UIMC1: variants seen among roughly 807,000 people sequenced by gnomAD.
UIMC1 encodes BRCA1-A complex subunit RAP80.
Under a neutral mutation model 84.9 loss-of-function variants are expected in UIMC1, and 42 were observed. That is an observed-to-expected ratio of 0.49 (90% confidence interval 0.39 to 0.64). The LOEUF is 0.64. Ranked by LOEUF, UIMC1 falls within the 30% of genes least tolerant of loss-of-function variation. The probability of loss-of-function intolerance (pLI) is 0.00; values close to 1 mark genes in which losing one functional copy is unlikely to be tolerated. For synonymous variants in UIMC1, 281 were observed against 293.0 expected, an observed-to-expected ratio of 0.96 and a Z score of 0.42; for missense variants, 825 against 847.6, an observed-to-expected ratio of 0.97 and a Z score of 0.33.
intron 11 of UIMC1, among the ~76,000 whole-genome samples, chr5:176,910,732 T>C (rs1178934576): frequency 1.3e-5 from 2 of 152,108 alleles, no homozygotes; most frequent in Non-Finnish European, 2.9e-5. Context: ...GGTGGCAGGA[T>C]TGCTTTTAGT....
In UIMC1 at chr5:177,015,649, C is replaced by CA. The variant is rs752377517; in HGVS notation, c.-9+6814dup. On this transcript the variant is annotated intron_variant, in intron 1 of 5. Transcript: ENST00000509236. Reference sequence around the variant, plus strand: ...TGGAAAGCATTACTTGACTCTAACCCAAAATCCTCTGTAAATCCCAGTCTG... The same window carrying CA: ...TGGAAAGCATTACTTGACTCTAACCCAAAAATCCTCTGTAAATCCCAGTCTG... 2.7e-4 allele frequency among the ~76,000 whole-genome samples: 41 copies of CA among 152,262 alleles called. No homozygotes were observed. The Middle Eastern group carries it at 0.024, about 88-fold the overall frequency.
At chr5:176,980,445 T>G (rs1470056613) in intron 2 of UIMC1, among the ~76,000 whole-genome samples, 1 of 152,206 alleles carries the variant, frequency 6.6e-6, no homozygotes, top group Non-Finnish European at 1.5e-5. Context: ...CATGGTTCTT[T>G]TCCTGTAAAA....
chr5:176,923,710 GA>G (rs1451288751), intron 10 of UIMC1, among the ~76,000 whole-genome samples: 1 of 150,756 alleles, frequency 6.6e-6, no homozygotes, highest in Non-Finnish European at 1.5e-5. Flanking sequence ...CTAAAAATAT[GA>G]AAATTAGCCG....
In UIMC1 at chr5:176,905,788, G is replaced by C. The variant is rs577102693; in HGVS notation, c.1949+223C>G. On this transcript the variant is annotated intron_variant, in intron 14 of 14. Coordinates refer to ENST00000511320, the MANE Select transcript of UIMC1 (RefSeq NM_001199298.2). ...GGGATAGAGAGGTACAGAAGAATAA[G>C]ACATAACTTTCACTCTGTTTGTTTT... The C allele has an allele frequency of 1.4e-4, 90 of 630,466 alleles. No individual in the cohort carries two copies. In the African/African-American group the frequency reaches 1.5e-3, roughly 10 times the overall value. 39.1% of individuals were successfully genotyped at this position (630,466 alleles called of 1,614,324 possible).
At chr5:176,969,546 C>A (rs1042722959) in intron 5 of UIMC1, 55 bp downstream of exon 5, 5 of 1,550,280 alleles carry the variant, frequency 3.2e-6, no homozygotes, top group Non-Finnish European at 2.7e-6. Flanking sequence ...AGCATGAGAT[C>A]CCTGTGGTAC....
intron 1 of UIMC1, among the ~76,000 whole-genome samples, chr5:177,020,296 T>C (rs1204489649): frequency 6.6e-6 from 1 of 152,216 alleles, no homozygotes. Flanking sequence ...TGGCTACGCC[T>C]TCTCATTAAT....
intron 9 of UIMC1, among the ~76,000 whole-genome samples, chr5:176,949,957 G>A (rs1765638932): frequency 6.6e-6 from 1 of 151,794 alleles, no homozygotes; most frequent in African/African-American, 2.4e-5. Context: ...GGGAGGCTGA[G>A]GCATGAGAAT....
chr5:176,983,386 C>T (rs990225954), intron 1 of UIMC1, among the ~76,000 whole-genome samples: 12 of 152,022 alleles, frequency 7.9e-5, no homozygotes, highest in African/African-American at 1.4e-4. Context: ...AGGCACGCAC[C>T]GCCACTCCTG....
chr5:176,927,769 AAAAAC>A (rs1236047224), intron 10 of UIMC1, among the ~76,000 whole-genome samples: 13 of 152,098 alleles, frequency 8.5e-5, no homozygotes, highest in Admixed American at 2.6e-4. Context: ...TGTTTCAAAA[AAAAAC>A]AAAACAAAAC....
intron 6 of UIMC1, 59 bp from the exon 7 acceptor site, chr5:176,958,213 C>A: frequency 6.9e-7 from 1 of 1,445,782 alleles, no homozygotes; most frequent in South Asian, 1.3e-5. Flanking sequence ...GCTTCTCTTC[C>A]TTTTTTAAAA....
chr5:176,911,410 T>A, intron 10 of UIMC1, 21 bp from the exon 11 acceptor site: 1 of 1,489,398 alleles, frequency 6.7e-7, no homozygotes, highest in Non-Finnish European at 9.0e-7. Context: ...AAAAAATATA[T>A]ATATATACAC....
chr5:176,998,747 A>G (rs550565400), intron 1 of UIMC1, among the ~76,000 whole-genome samples: 247 of 152,278 alleles, frequency 1.6e-3, no homozygotes, highest in African/African-American at 5.7e-3. Flanking sequence ...GGCCTGGGCA[A>G]TAAGAGCAAA....
At chr5:177,011,590 GTAA>G (rs139175347), upstream of UIMC1, among the ~76,000 whole-genome samples, 1,624 of 150,616 alleles carry the variant, frequency 0.011, 12 homozygotes, top group South Asian at 0.024. Flanking sequence ...CTTTAAAAAA[GTAA>G]TAATAATAAT....
At chr5:177,004,435 AACT>A (rs922126598) in intron 1 of UIMC1, among the ~76,000 whole-genome samples, 4 of 152,178 alleles carry the variant, frequency 2.6e-5, no homozygotes. Flanking sequence ...TATACAGTTC[AACT>A]ACTATTTTTT....
chr5:176,963,308 G>A (rs1446754356), intron 6 of UIMC1, among the ~76,000 whole-genome samples: 2 of 151,944 alleles, frequency 1.3e-5, no homozygotes, highest in Non-Finnish European at 2.9e-5. Context: ...ATGCCTTGAG[G>A]CCAGCAGTTC....
intron 10 of UIMC1, among the ~76,000 whole-genome samples, chr5:176,942,768 G>C (rs1462807070): frequency 7.5e-6 from 1 of 132,640 alleles, no homozygotes; most frequent in African/African-American, 3.0e-5. Context: ...AAAAAAAAAA[G>C]GTTGGGCCAG....
At position 176,951,461 on chromosome 5, in the gene UIMC1, G is replaced by T; in HGVS notation, c.1443+13C>A. 6.7e-7 allele frequency: 1 copy of T among 1,500,430 alleles called. No individual in the cohort carries two copies. Among genetic ancestry groups the T allele is most frequent in the Non-Finnish European group, 8.9e-7 (1 of 1,124,920 alleles). The allele number at this position is 1,500,430 out of a possible 1,614,324, so 92.9% of individuals were successfully genotyped here. A position where few individuals can be genotyped will look rare whatever the true frequency, so the allele number is the denominator to read the frequency against. On this transcript the variant is annotated intron_variant, in intron 9 of 14. Coordinates refer to ENST00000511320, the MANE Select transcript of UIMC1 (RefSeq NM_001199298.2). ...AGAAACCACTGAGAAAAAATATAGA[G>T]GAAAATATTCACCTCCTTATCTGCC...
chr5:176,965,513 G>A (rs1231834875), intron 6 of UIMC1, among the ~76,000 whole-genome samples: 1 of 151,820 alleles, frequency 6.6e-6, no homozygotes, highest in African/African-American at 2.4e-5. Context: ...GTAGAGACAA[G>A]GTCTCACTAA....
intron 1 of UIMC1, among the ~76,000 whole-genome samples, chr5:177,012,668 G>T (rs1226668255): frequency 6.6e-6 from 1 of 152,034 alleles, no homozygotes; most frequent in Non-Finnish European, 1.5e-5. Flanking sequence ...ACTCCAGCCT[G>T]GGTGACAGAG....
Sources: gnomAD v4.1 joint callset for allele counts (sites outside exome capture counted in the v4.1 genomes callset) on GRCh38, gnomAD v4.1.1 for gene constraint, MANE v1.5 for transcripts, NCBI Gene and HGNC (gene_info 2026-07-23, HGNC 2026-07-21) for gene names.